The following PPP3R1 variants were observed in gnomAD, a reference collection of about 807,000 sequenced individuals.
PPP3R1 encodes the protein calcineurin subunit B type 1.
A neutral mutation model predicts 22.6 loss-of-function variants in PPP3R1; 5 were observed. The observed-to-expected ratio is 0.22, with a 90% CI of 0.12 to 0.46. The LOEUF is 0.46. PPP3R1 is among the 20% of genes least tolerant of loss of function. PPP3R1 has a pLI of 0.99. For missense variants in PPP3R1, 61 were observed against 203.2 expected, an observed-to-expected ratio of 0.30 and a Z score of 4.25; for synonymous variants, 56 against 65.2, an observed-to-expected ratio of 0.86 and a Z score of 0.68.
In PPP3R1 at chr2:68,252,482, C is replaced by A; in HGVS notation, c.-355G>T. On this transcript the variant is annotated 5_prime_UTR_variant, in exon 1 of 6. Transcript: ENST00000234310. ...CTGCAGCCTCGCGCTCGCGCCGGAG[C>A]CGTGACGGACTCACTGCAGCGGCTC... 1 of 987,538 alleles carries A rather than the reference C, an allele frequency of 1.0e-6. No homozygotes were observed. Among genetic ancestry groups the A allele is most frequent in the Non-Finnish European group, 1.2e-6 (1 of 832,016 alleles). The allele number at this position is 987,538 out of a possible 1,614,324, so 61.2% of individuals were successfully genotyped here.
chr2:68,239,357 T>A (rs1013962898), intron 1 of PPP3R1, among the ~76,000 whole-genome samples: 4 of 152,156 alleles, frequency 2.6e-5, no homozygotes, highest in East Asian at 3.9e-4. Context: ...ATAAACAATA[T>A]ATGAAGTGCC....
chr2:68,228,082 T>C (rs964556164), intron 1 of PPP3R1, among the ~76,000 whole-genome samples: 1 of 152,194 alleles, frequency 6.6e-6, no homozygotes, highest in Non-Finnish European at 1.5e-5. Context: ...TAATGTCAGC[T>C]GTAGGTTTTC....
At chr2:68,222,929 G>C (rs1356508518) in intron 1 of PPP3R1, among the ~76,000 whole-genome samples, 1 of 152,114 alleles carries the variant, frequency 6.6e-6, no homozygotes, top group East Asian at 1.9e-4. Context: ...AACATTTTGA[G>C]AATTATACAT....
At chr2:68,243,812 T>A (rs1670178846) in intron 1 of PPP3R1, among the ~76,000 whole-genome samples, 1 of 152,132 alleles carries the variant, frequency 6.6e-6, no homozygotes, top group African/African-American at 2.4e-5. Flanking sequence ...TTACTTATAG[T>A]TTGTAATAAG....
chr2:68,227,296 A>G (rs1669801351), intron 1 of PPP3R1, among the ~76,000 whole-genome samples: 1 of 152,074 alleles, frequency 6.6e-6, no homozygotes, highest in Non-Finnish European at 1.5e-5. Context: ...CATGAACTTG[A>G]AAAGTAAGTT....
chr2:68,186,540 T>C lies in PPP3R1; in HGVS notation c.393A>G (p.Gln131=), dbSNP rs762152851. Residue 131 remains glutamine, a synonymous_variant, in exon 5 of 6, where the codon CAA becomes CAG. Transcript: ENST00000234310. ...CATTTATTATGGTTTTGTCTACAAT[T>C]TGCTGTAACTGTGTATCTTTCAGAT... The part of the protein sequence containing the change: ...GNNLKDTQLQ[Q]IVDKTIINAD... 3.7e-6 allele frequency: 6 copies of C among 1,613,074 alleles called. No homozygotes were observed.
intron 2 of PPP3R1, among the ~76,000 whole-genome samples, chr2:68,195,041 T>C (rs1020762381): frequency 6.6e-6 from 1 of 152,188 alleles, no homozygotes; most frequent in Non-Finnish European, 1.5e-5. Context: ...TCACCATTTT[T>C]TTCACTCATG....
At chr2:68,199,758 T>A (rs1339548269) in intron 2 of PPP3R1, among the ~76,000 whole-genome samples, 3 of 152,354 alleles carry the variant, frequency 2.0e-5, no homozygotes, top group African/African-American at 4.8e-5. Flanking sequence ...AATTTTTGAA[T>A]GTTAAAATTG....
chr2:68,199,006 C>G (rs375035930), intron 2 of PPP3R1, among the ~76,000 whole-genome samples: 3 of 152,116 alleles, frequency 2.0e-5, no homozygotes, highest in African/African-American at 4.8e-5. Flanking sequence ...CTCTGTCACC[C>G]AGGCTGGAGT....
chr2:68,219,310 C>T (rs914635252), intron 1 of PPP3R1, among the ~76,000 whole-genome samples: 1 of 151,390 alleles, frequency 6.6e-6, no homozygotes, highest in Admixed American at 6.6e-5. Flanking sequence ...CAAAGCAAAA[C>T]ATGGCAATAT....
chr2:68,225,549 G>T (rs1669765728), intron 1 of PPP3R1, among the ~76,000 whole-genome samples: 1 of 152,222 alleles, frequency 6.6e-6, no homozygotes, highest in African/African-American at 2.4e-5. Context: ...CTTGATTTCA[G>T]CCTTGTGATA....
At chr2:68,192,659 C>T (rs990494274) in intron 2 of PPP3R1, among the ~76,000 whole-genome samples, 2 of 151,994 alleles carry the variant, frequency 1.3e-5, no homozygotes, top group Non-Finnish European at 2.9e-5. Flanking sequence ...AATCATAAAT[C>T]AAATAAATAT....
chr2:68,192,320 T>A (rs1402133868), intron 2 of PPP3R1, among the ~76,000 whole-genome samples: 1 of 152,080 alleles, frequency 6.6e-6, no homozygotes, highest in East Asian at 1.9e-4. Flanking sequence ...ACATAACAGA[T>A]CACAAAGGTG....
intron 2 of PPP3R1, among the ~76,000 whole-genome samples, chr2:68,207,099 T>TA: frequency 9.1e-6 from 1 of 110,014 alleles, no homozygotes; most frequent in East Asian, 3.2e-4. Flanking sequence ...AAAGAGGTTT[T>TA]GGGAAAAAAA....
rs1380774404 is a variant in PPP3R1 at position 68,229,901 on chromosome 2, G to GGT, written c.4-12772_4-12771dup. ...ATGTATGTGTGTATATATATATACG[G>GGT]GTGTGTGTGTATATGTGTATATATA... On this transcript the variant is annotated intron_variant, in intron 1 of 5. Transcript: ENST00000234310. Among the ~76,000 whole-genome samples, 2 of 147,722 alleles carry GGT rather than the reference G, an allele frequency of 1.4e-5. 1 individual carries two copies. Among genetic ancestry groups the GGT allele is most frequent in the East Asian group, 4.0e-4 (2 of 5,004 alleles).
intron 2 of PPP3R1, among the ~76,000 whole-genome samples, chr2:68,205,739 C>T (rs575488325): frequency 1.6e-4 from 25 of 151,978 alleles, no homozygotes; most frequent in Middle Eastern, 6.8e-3. Context: ...TAGCAGTGTC[C>T]GTGGAGTTAT....
intron 2 of PPP3R1, among the ~76,000 whole-genome samples, chr2:68,209,679 G>A (rs1669439161): frequency 1.3e-5 from 2 of 151,834 alleles, no homozygotes; most frequent in Non-Finnish European, 2.9e-5. Context: ...AATCGCTTGA[G>A]CCCCAGTGAG....
At position 68,205,513 on chromosome 2, in the gene PPP3R1, G is replaced by C. The variant is rs949722979; in HGVS notation, c.43+11579C>G. Among the ~76,000 whole-genome samples, 2 of 152,092 alleles carry C rather than the reference G, an allele frequency of 1.3e-5. 1 individual carries two copies. Among genetic ancestry groups the C allele is most frequent in the Non-Finnish European group, 2.9e-5 (2 of 68,008 alleles). On this transcript the variant is annotated intron_variant, in intron 2 of 5. Coordinates refer to ENST00000234310, the MANE Select transcript of PPP3R1 (RefSeq NM_000945.4). ...GGCCTCCCAAAGTGCTGGGATTACA[G>C]GGGTGAGCCACTGCACCTAGCCTAA...
intron 2 of PPP3R1, among the ~76,000 whole-genome samples, chr2:68,211,573 T>C (rs1669488561): frequency 6.6e-6 from 1 of 152,172 alleles, no homozygotes; most frequent in Non-Finnish European, 1.5e-5. Context: ...CAATAAAGTT[T>C]TGCCACATCA....
Sources: allele counts gnomAD v4.1 joint callset (sites outside exome capture counted in the v4.1 genomes callset), GRCh38; gene constraint gnomAD v4.1.1; transcripts MANE v1.5; gene names NCBI Gene and HGNC (gene_info 2026-07-23, HGNC 2026-07-21).